COLGALT2: variants seen among roughly 807,000 people sequenced by gnomAD.
The protein encoded by COLGALT2 is procollagen galactosyltransferase 2.
In COLGALT2, 49 loss-of-function variants were observed where a neutral mutation model predicts 73.4. That is an observed-to-expected ratio of 0.67 (90% CI 0.53 to 0.85). The LOEUF is 0.85. Among genes scored for constraint, COLGALT2 ranks in the 40% least tolerant of loss-of-function variants. The probability of loss-of-function intolerance (pLI) is 0.00; values close to 1 mark genes in which losing one functional copy is unlikely to be tolerated. For synonymous variants in COLGALT2, 295 were observed against 307.6 expected (o/e 0.96, Z 0.43); for missense variants, 722 against 790.2 (o/e 0.91, Z 1.03).
At chr1:183,931,248 G>A (rs1669838381), downstream of COLGALT2, among the ~76,000 whole-genome samples, 1 of 152,136 alleles carries the variant, frequency 6.6e-6, no homozygotes, top group Non-Finnish European at 1.5e-5. Flanking sequence ...CGGAACTGGA[G>A]AGAATCCCTG....
At chr1:183,939,128 T>A in intron 11 of COLGALT2, 91 bp from the exon 12 acceptor site, 1 of 815,412 alleles carries the variant, frequency 1.2e-6, no homozygotes, top group Non-Finnish European at 2.0e-6. Flanking sequence ...CCTGGTTACC[T>A]CATGAGTTCA....
At chr1:183,963,802 T>C in intron 6 of COLGALT2, 99 bp downstream of exon 6, 7 of 1,283,004 alleles carry the variant, frequency 5.5e-6, no homozygotes, top group South Asian at 1.8e-5. Context: ...GGGAGACTGA[T>C]GGCTGTGAGA....
At chr1:184,013,841 T>A (rs900689038) in intron 1 of COLGALT2, among the ~76,000 whole-genome samples, 1 of 151,682 alleles carries the variant, frequency 6.6e-6, no homozygotes, top group Non-Finnish European at 1.5e-5. Context: ...TAGGAAAAAG[T>A]GAAAAAAATC....
chr1:183,983,773 G>T (rs551531179), intron 1 of COLGALT2, among the ~76,000 whole-genome samples: 4 of 152,274 alleles, frequency 2.6e-5, no homozygotes, highest in Non-Finnish European at 5.9e-5. Flanking sequence ...AAGGCTCCTT[G>T]GAAAATGAGT....
At chr1:183,973,859 A>G in intron 3 of COLGALT2, 109 bp from the exon 4 acceptor site, 1 of 1,011,278 alleles carries the variant, frequency 9.9e-7, no homozygotes, top group South Asian at 1.6e-5. Context: ...TGACATATGG[A>G]ACCAGCTATC....
At chr1:184,035,335 C>T (rs538100330) in intron 1 of COLGALT2, among the ~76,000 whole-genome samples, 13 of 152,324 alleles carry the variant, frequency 8.5e-5, no homozygotes, top group Non-Finnish European at 1.3e-4. Flanking sequence ...AGCCCCAAAT[C>T]ACATATCAAA....
rs1197127070 is a variant in COLGALT2, at chr1:183,973,596, C to A, written c.627+20G>T. The A allele has an allele frequency of 4.3e-6, 7 of 1,613,562 alleles. No homozygotes were observed. In the East Asian group the frequency reaches 6.7e-5, roughly 15 times the overall value. On this transcript the variant is annotated intron_variant, in intron 4 of 11. Coordinates refer to ENST00000361927, the MANE Select transcript of COLGALT2 (RefSeq NM_015101.4). ...CTTGTTAAAACTAGTAGCCTTAATT[C>A]ATTTAAGCAAAAGACTTGCCTTAGG...
intron 6 of COLGALT2, among the ~76,000 whole-genome samples, chr1:183,961,772 C>T (rs148792223): frequency 3.2e-4 from 49 of 152,210 alleles, no homozygotes; most frequent in Non-Finnish European, 4.9e-4. Context: ...CTACATGCCA[C>T]GCACTGTGCT....
At chr1:183,950,922 AG>A (rs750655382) in intron 8 of COLGALT2, 84 bp downstream of exon 8, 117 of 975,240 alleles carry the variant, frequency 1.2e-4, no homozygotes, top group Middle Eastern at 2.1e-4. Context: ...AGAGACTTAG[AG>A]CCCCACCTGG....
intron 1 of COLGALT2, among the ~76,000 whole-genome samples, chr1:183,980,523 G>A (rs2102821395): frequency 6.6e-6 from 1 of 152,170 alleles, no homozygotes; most frequent in East Asian, 1.9e-4. Context: ...ATTAACTCCT[G>A]AAGTGATATA....
At chr1:184,008,074 C>T (rs1239334884) in intron 1 of COLGALT2, among the ~76,000 whole-genome samples, 1 of 152,166 alleles carries the variant, frequency 6.6e-6, no homozygotes. Flanking sequence ...GTTGGAAATA[C>T]ATTAACCAAG....
intron 6 of COLGALT2, among the ~76,000 whole-genome samples, chr1:183,963,691 G>A (rs188475810): frequency 3.2e-4 from 48 of 152,304 alleles, no homozygotes; most frequent in East Asian, 1.7e-3. Flanking sequence ...GCTCTTCCAG[G>A]ATGGGAAGCT....
At chr1:183,969,949 G>A (rs188214249) in intron 4 of COLGALT2, among the ~76,000 whole-genome samples, 4 of 152,228 alleles carry the variant, frequency 2.6e-5, no homozygotes, top group African/African-American at 9.6e-5. Flanking sequence ...CTACTCCATG[G>A]GGTTAGCTGT....
At chr1:183,954,274 G>GT (rs5779193) in intron 7 of COLGALT2, among the ~76,000 whole-genome samples, 126,206 of 151,386 alleles carry the variant, frequency 0.83, 53,252 homozygotes, top group East Asian at 0.99. Context: ...GAACAAATAT[G>GT]TTTTTTTTTC....
Position 183,936,416 on chromosome 1 carries a change from A to G in COLGALT2, c.*2345T>C. ...AACAAACCGGGCTAAAGGAGACAGA[A>G]CTTTCTTCACAGTAGAACAGTCCTA... On this transcript the variant is annotated 3_prime_UTR_variant, in exon 12 of 12. Transcript: ENST00000361927. The G allele has an allele frequency of 1.0e-6, 1 of 986,320 alleles. No individual in the cohort carries two copies. The highest frequency in any genetic ancestry group is 1.2e-6 in the Non-Finnish European group (1 of 830,380). 61.1% of individuals were successfully genotyped at this position (986,320 alleles called of 1,614,324 possible).
intron 1 of COLGALT2, among the ~76,000 whole-genome samples, chr1:184,014,306 A>G (rs1648928871): frequency 6.6e-6 from 1 of 152,172 alleles, no homozygotes; most frequent in Non-Finnish European, 1.5e-5. Flanking sequence ...GGAAGGTGGA[A>G]CCATGGATCT....
chr1:183,937,411 T>A lies in COLGALT2; in HGVS notation c.*1350A>T. The A allele has an allele frequency of 1.2e-5, 12 of 989,508 alleles. No individual in the cohort carries two copies. Among genetic ancestry groups the A allele is most frequent in the Non-Finnish European group, 1.4e-5 (12 of 832,826 alleles). 61.3% of individuals were successfully genotyped at this position (989,508 alleles called of 1,614,324 possible). A position where few individuals can be genotyped will look rare whatever the true frequency, so the allele number is the denominator to read the frequency against. ...AAATCGTGTAGTCCAACTCTGCATT[T>A]TACATAAAATCAATCTGTGAAGAAA... On this transcript the variant is annotated 3_prime_UTR_variant, in exon 12 of 12. Transcript: ENST00000361927.
Position 183,937,513 on chromosome 1 carries a change from C to G in COLGALT2, c.*1248G>C. 7 of 985,430 alleles carry G rather than the reference C, an allele frequency of 7.1e-6. No individual in the cohort carries two copies. The highest frequency in any genetic ancestry group is 8.4e-6 in the Non-Finnish European group (7 of 829,966). The allele number at this position is 985,430 out of a possible 1,614,324, so 61.0% of individuals were successfully genotyped here. A position where few individuals can be genotyped will look rare whatever the true frequency, so the allele number is the denominator to read the frequency against. ...TTCTAAGAGCTTCCCTGGTTGCTGG[C>G]CTAAATCAGGTGACCAGCCCTTTGT... On this transcript the variant is annotated 3_prime_UTR_variant, in exon 12 of 12. Coordinates refer to ENST00000361927, the MANE Select transcript of COLGALT2 (RefSeq NM_015101.4).
chr1:183,967,332 C>A (rs1375328434), intron 5 of COLGALT2, among the ~76,000 whole-genome samples: 1 of 152,228 alleles, frequency 6.6e-6, no homozygotes, highest in Admixed American at 6.5e-5. Flanking sequence ...CCAACTAACA[C>A]CGTGCCAGGA....
Sources: gnomAD v4.1 joint callset for allele counts (sites outside exome capture counted in the v4.1 genomes callset) on GRCh38, gnomAD v4.1.1 for gene constraint, MANE v1.5 for transcripts, NCBI Gene and HGNC (gene_info 2026-07-23, HGNC 2026-07-21) for gene names.